The following TM2D3 variants were observed in gnomAD, a reference collection of about 807,000 sequenced individuals.
TM2D3 encodes the protein TM2 domain-containing protein 3.
TM2D3 carries 33 observed loss-of-function variants against 27.3 expected under a neutral mutation model. The observed-to-expected ratio is 1.21, with a 90% confidence interval of 0.92 to 1.61. TM2D3 has a LOEUF of 1.61. Ranked by LOEUF, TM2D3 falls within the 40% of genes most tolerant of loss-of-function variation. The probability of loss-of-function intolerance (pLI) is 0.00; values close to 1 mark genes in which losing one functional copy is unlikely to be tolerated. For missense variants in TM2D3, 364 were observed against 320.8 expected, an observed-to-expected ratio of 1.13 and a Z score of -1.03; for synonymous variants, 138 against 122.2, an observed-to-expected ratio of 1.13 and a Z score of -0.85.
chr15:101,650,017 G>A lies in TM2D3; in HGVS notation c.314C>T (p.Ser105Phe). 1 of 1,613,896 alleles carries A rather than the reference G, an allele frequency of 6.2e-7. No homozygotes were observed. Among genetic ancestry groups the A allele is most frequent in the Non-Finnish European group, 8.5e-7 (1 of 1,179,906 alleles). Residue 105 changes from serine (S) to phenylalanine (F), a missense_variant, in exon 3 of 6, where the codon TCT becomes TTT. Coordinates refer to ENST00000333202, the MANE Select transcript of TM2D3 (RefSeq NM_078474.3). ...PVTFDCAVKP[S>F]VTCVDQDFKS... ...TGCAGTACTTACAACACAGGTAACAGATGGTTTCACTGCACAGTCAAAAGT... is the reference window on the plus strand; with the variant it reads ...TGCAGTACTTACAACACAGGTAACAAATGGTTTCACTGCACAGTCAAAAGT...
chr15:101,650,043 G>T lies in TM2D3; in HGVS notation c.288C>A (p.Val96=), dbSNP rs1328621802. 2 of 1,614,106 alleles carry T rather than the reference G, an allele frequency of 1.2e-6. No individual in the cohort carries two copies. The highest frequency in any genetic ancestry group is 2.2e-5 in the South Asian group (2 of 91,052). The change falls in exon 3 of 6, where the codon GTC becomes GTA. Residue 96 remains valine, a synonymous_variant. Coordinates refer to ENST00000333202, the MANE Select transcript of TM2D3 (RefSeq NM_078474.3). ...TNFSCTYGKP[V]TFDCAVKPSV... is the part of the protein sequence containing the mutation. ...ATGGTTTCACTGCACAGTCAAAAGT[G>T]ACAGGCTTCCCATAGGTACAGGAGA... is the stretch of plus-strand genomic sequence containing the variant.
At chr15:101,647,136 A>C (rs1896835654) in intron 3 of TM2D3, among the ~76,000 whole-genome samples, 1 of 152,238 alleles carries the variant, frequency 6.6e-6, no homozygotes. Context: ...AAAAAACTAG[A>C]TAAATTCACA....
exon 5 of TM2D3, chr15:101,633,471 A>G (rs575364561): frequency 2.2e-6 from 1 of 454,000 alleles, no homozygotes; most frequent in East Asian, 3.2e-5. Context: ...AATTCCTTGC[A>G]GTTGTAGGAG....
intron 3 of TM2D3, among the ~76,000 whole-genome samples, chr15:101,647,237 T>C (rs1324057785): frequency 6.6e-6 from 1 of 152,208 alleles, no homozygotes; most frequent in Non-Finnish European, 1.5e-5. Flanking sequence ...ACTTTTATAA[T>C]GCAGAAAAGA....
intron 4 of TM2D3, chr15:101,645,644 T>C (rs1324819566): frequency 1.3e-5 from 2 of 152,624 alleles, no homozygotes; most frequent in Non-Finnish European, 2.9e-5. Context: ...ATTCTAAACC[T>C]AAATGTGAAA....
Position 101,652,259 on chromosome 15 carries a change from C to T in TM2D3, c.91+12G>A. 2 of 1,603,754 alleles carry T rather than the reference C, an allele frequency of 1.2e-6. No homozygotes were observed. Among genetic ancestry groups the T allele is most frequent in the Non-Finnish European group, 1.7e-6 (2 of 1,175,354 alleles). ...CAGCCCCACCCGGCGCTGAACCCAG[C>T]CTTTGACTCACCACCGCCCGACAGA... On this transcript the variant is annotated intron_variant, in intron 1 of 5. Transcript: ENST00000333202.
intron 4 of TM2D3, chr15:101,645,413 C>T (rs1015171581): frequency 8.1e-6 from 4 of 492,552 alleles, no homozygotes; most frequent in African/African-American, 2.0e-5. Context: ...GGGGAAGTTA[C>T]GAGTATATAA....
At chr15:101,633,029 G>A (rs531096877) in exon 5 of TM2D3, 1 of 152,262 alleles carries the variant, frequency 6.6e-6, no homozygotes, top group South Asian at 2.1e-4. Flanking sequence ...TTCAAGTGCT[G>A]AAAGAAAAAG....
chr15:101,652,326 G>C lies in TM2D3; in HGVS notation c.36C>G (p.Arg12=). The change falls in exon 1 of 6, where the codon CGC becomes CGG. Residue 12 remains arginine, a synonymous_variant. Transcript: ENST00000333202. ...GGAAGAGCAGCACGCGACACAAGGC[G>C]CGGAGGCCCCTCAGCGGGAGCACCC... ...AGGVLPLRGL[R]ALCRVLLFLS... is the part of the protein sequence containing the mutation. The C allele has an allele frequency of 6.2e-7, 1 of 1,602,244 alleles. No individual in the cohort carries two copies. Among genetic ancestry groups the C allele is most frequent in the South Asian group, 1.1e-5 (1 of 90,338 alleles).
In TM2D3 at chr15:101,642,217, G is replaced by T; in HGVS notation, c.*262C>A. On this transcript the variant is annotated 3_prime_UTR_variant, in exon 6 of 6. Transcript: ENST00000333202. ...AAAACAAAAGTCATAGGAATTAAAT[G>T]GATTTTCAATCACTGTATAATTCAT... is the stretch of plus-strand genomic sequence containing the variant. The T allele has an allele frequency of 8.8e-7, 1 of 1,134,074 alleles. No homozygotes were observed. Among genetic ancestry groups the T allele is most frequent in the Non-Finnish European group, 1.1e-6 (1 of 926,394 alleles). 70.3% of individuals were successfully genotyped at this position (1,134,074 alleles called of 1,614,324 possible).
At chr15:101,640,744 A>C (rs1401653113), downstream of TM2D3, among the ~76,000 whole-genome samples, 1 of 152,254 alleles carries the variant, frequency 6.6e-6, no homozygotes, top group African/African-American at 2.4e-5. Context: ...GCTCTATCAA[A>C]GTCCTTGATC....
At position 101,650,041 on chromosome 15, in the gene TM2D3, G is replaced by C. The variant is rs944094303; in HGVS notation, c.290C>G (p.Thr97Ser). The change falls in exon 3 of 6, where the codon ACT becomes AGT. Residue 97 changes from threonine (T) to serine (S), a missense_variant. Thr to Ser is a moderately conservative substitution (Grantham distance 58). Coordinates refer to ENST00000333202, the MANE Select transcript of TM2D3 (RefSeq NM_078474.3). ...AGATGGTTTCACTGCACAGTCAAAAGTGACAGGCTTCCCATAGGTACAGGA... is the reference window on the plus strand; with the variant it reads ...AGATGGTTTCACTGCACAGTCAAAACTGACAGGCTTCCCATAGGTACAGGA... ...NFSCTYGKPVTFDCAVKPSVT... is the reference protein window; with the variant it reads ...NFSCTYGKPVSFDCAVKPSVT... 3.1e-5 allele frequency: 50 copies of C among 1,613,976 alleles called. No homozygotes were observed. In the Admixed American group the frequency reaches 6.0e-4, roughly 19 times the overall value.
chr15:101,649,424 T>C (rs1335871884), intron 3 of TM2D3, among the ~76,000 whole-genome samples: 1 of 152,198 alleles, frequency 6.6e-6, no homozygotes, highest in Non-Finnish European at 1.5e-5. Flanking sequence ...TTTGGGATTA[T>C]AACAGCAACT....
chr15:101,650,112 C>A lies in TM2D3; in HGVS notation c.219G>T (p.Leu73Phe). Residue 73 changes from leucine (L) to phenylalanine (F), a missense_variant, in exon 3 of 6, where the codon TTG becomes TTT. By Grantham distance (22) the Leu-to-Phe change is conservative (BLOSUM62 0). Coordinates refer to ENST00000333202, the MANE Select transcript of TM2D3 (RefSeq NM_078474.3). The part of the protein sequence containing the change: ...PYVMKCPSNG[L>F]CSRLPADCID... ...TACAGTCTGCAGGAAGCCTGCTACACAAACCATTGCTCGGACACTTCATCA... is the reference window on the plus strand; with the variant it reads ...TACAGTCTGCAGGAAGCCTGCTACAAAAACCATTGCTCGGACACTTCATCA... The A allele has an allele frequency of 6.2e-7, 1 of 1,614,160 alleles. No individual in the cohort carries two copies. Among genetic ancestry groups the A allele is most frequent in the Non-Finnish European group, 8.5e-7 (1 of 1,180,016 alleles).
At chr15:101,642,807 T>G (rs569286894) in intron 5 of TM2D3, among the ~76,000 whole-genome samples, 163 bp from the exon 6 acceptor site, 1 of 152,298 alleles carries the variant, frequency 6.6e-6, no homozygotes, top group South Asian at 2.1e-4. Context: ...CACCACCAAA[T>G]AATTACGGGC....
intron 5 of TM2D3, among the ~76,000 whole-genome samples, chr15:101,643,599 TAAAAAAAAAAAAAAAAAAAAAAAGC>T (rs1191839127): frequency 1.6e-3 from 76 of 47,340 alleles, no homozygotes; most frequent in African/African-American, 4.3e-3. Context: ...GAGACTCCGT[TAAAAAAAAAAAAAAAAAAAAAAAGC>T]AAAAAAAAAA....
At chr15:101,651,905 A>G (rs1896986673) in intron 1 of TM2D3, 132 bp from the exon 2 acceptor site, 7 of 897,300 alleles carry the variant, frequency 7.8e-6, no homozygotes, top group Non-Finnish European at 1.3e-5. Context: ...CTGGTCAGCC[A>G]GAAAACACAA....
Position 101,646,866 on chromosome 15 carries a change from T to C in TM2D3, c.361A>G (p.Ile121Val). The change falls in exon 4 of 6, where the codon ATT becomes GTT. Residue 121 changes from isoleucine (I) to valine (V), a missense_variant. Physicochemically the swap from Ile to Val is conservative, Grantham distance 29 (BLOSUM62 3). Transcript: ENST00000333202. Reference sequence around the variant, plus strand: ...CAGCAAAATCTGCAAGTCATGTTAATGATGAAGTTCTTTTGGGATTTGAAG... The same window carrying C: ...CAGCAAAATCTGCAAGTCATGTTAACGATGAAGTTCTTTTGGGATTTGAAG... ...QDFKSQKNFI[I>V]NMTCRFCWQL... 1.2e-6 allele frequency: 2 copies of C among 1,614,222 alleles called. No homozygotes were observed. Among genetic ancestry groups the C allele is most frequent in the Non-Finnish European group, 1.7e-6 (2 of 1,180,036 alleles).
Position 101,642,456 on chromosome 15 carries a change from C to G in TM2D3, c.*23G>C. 6.3e-7 allele frequency: 1 copy of G among 1,585,388 alleles called. No individual in the cohort carries two copies. The highest frequency in any genetic ancestry group is 8.6e-7 in the Non-Finnish European group (1 of 1,163,210). ...AAAAGGGCTTTTTCTAAGCCCTGCTCCTTTCTGAAGCACACACCACAGCTA... is the reference window on the plus strand; with the variant it reads ...AAAAGGGCTTTTTCTAAGCCCTGCTGCTTTCTGAAGCACACACCACAGCTA... On this transcript the variant is annotated 3_prime_UTR_variant, in exon 6 of 6. Coordinates refer to ENST00000333202, the MANE Select transcript of TM2D3 (RefSeq NM_078474.3).
Sources: gnomAD v4.1 joint callset for allele counts (sites outside exome capture counted in the v4.1 genomes callset) on GRCh38, gnomAD v4.1.1 for gene constraint, MANE v1.5 for transcripts, NCBI Gene and HGNC (gene_info 2026-07-23, HGNC 2026-07-21) for gene names.